Variants in ARFGEF1 observed in about 807,000 individuals in gnomAD.
ARFGEF1 encodes ARF guanine nucleotide exchange factor 1, also known as brefeldin A-inhibited guanine nucleotide-exchange protein 1.
A neutral mutation model predicts 231.0 loss-of-function variants in ARFGEF1; 42 were observed. The observed-to-expected ratio is 0.18, with a 90% CI of 0.14 to 0.24. The LOEUF (loss-of-function observed/expected upper bound fraction) is 0.24, where lower values mean the gene tolerates loss of function less well. Among genes scored for constraint, ARFGEF1 ranks in the 10% least tolerant of loss-of-function variants. The pLI is 1.00. For synonymous variants in ARFGEF1, 710 were observed against 732.3 expected, an observed-to-expected ratio of 0.97 and a Z score of 0.49; for missense variants, 1,345 against 2,192.0, an observed-to-expected ratio of 0.61 and a Z score of 7.72.
At chr8:67,224,844 G>A (rs1563848349) in intron 29 of ARFGEF1, 59 bp downstream of exon 29, 1 of 1,253,222 alleles carries the variant, frequency 8.0e-7, no homozygotes, top group Non-Finnish European at 1.1e-6. Flanking sequence ...ATAAAGAAGA[G>A]TTAATTTGAT....
chr8:67,205,916 T>C lies in ARFGEF1; in HGVS notation c.4820-1097A>G, dbSNP rs1838498069. Reference sequence around the variant, plus strand: ...AATAAAATTAAAATAAAAAAATAGGTTATATGAAAACCTATGACATAAGAA... The same window carrying C: ...AATAAAATTAAAATAAAAAAATAGGCTATATGAAAACCTATGACATAAGAA... On this transcript the variant is annotated intron_variant, in intron 34 of 38. Transcript: ENST00000262215. Among the ~76,000 whole-genome samples, 4 of 151,114 alleles carry C rather than the reference T, an allele frequency of 2.6e-5. No homozygotes were observed. The South Asian group carries it at 8.4e-4, about 32-fold the overall frequency.
intron 7 of ARFGEF1, among the ~76,000 whole-genome samples, chr8:67,280,484 A>C (rs554936777): frequency 6.6e-6 from 1 of 152,370 alleles, no homozygotes; most frequent in South Asian, 2.1e-4. Context: ...TTTCTACTTA[A>C]TTATTTCCAA....
At chr8:67,223,103 T>TA (rs1402530008) in intron 29 of ARFGEF1, among the ~76,000 whole-genome samples, 1 of 152,226 alleles carries the variant, frequency 6.6e-6, no homozygotes, top group African/African-American at 2.4e-5. Context: ...ATTTGGGACT[T>TA]TAATTTTCGG....
intron 29 of ARFGEF1, among the ~76,000 whole-genome samples, chr8:67,221,784 C>T (rs1039921136): frequency 7.3e-5 from 11 of 151,626 alleles, no homozygotes; most frequent in African/African-American, 2.4e-4. Context: ...TGGTAAGTGC[C>T]CTATATGGGT....
intron 7 of ARFGEF1, among the ~76,000 whole-genome samples, chr8:67,287,452 C>CT (rs978529639): frequency 3.3e-5 from 5 of 152,172 alleles, no homozygotes; most frequent in African/African-American, 7.2e-5. Flanking sequence ...CTGCTTTGTA[C>CT]TTTTTCACTA....
At chr8:67,221,348 C>A (rs974228956) in intron 29 of ARFGEF1, among the ~76,000 whole-genome samples, 5 of 152,084 alleles carry the variant, frequency 3.3e-5, no homozygotes, top group South Asian at 2.1e-4. Context: ...GTGTTACTTC[C>A]CCCTGAAGAC....
intron 5 of ARFGEF1, among the ~76,000 whole-genome samples, chr8:67,184,744 T>TATAATAATAATAATAATAATA (rs377423199): frequency 0.017 from 2,407 of 142,488 alleles, 76 homozygotes; most frequent in African/African-American, 0.058. Flanking sequence ...AATAAAAAAA[T>TATAATAATAATAATAATAATA]ATAATAATAA....
chr8:67,208,412 T>C, intron 34 of ARFGEF1, among the ~76,000 whole-genome samples: 1 of 152,054 alleles, frequency 6.6e-6, no homozygotes. Context: ...GGTGGATCAC[T>C]TGAGGCCCAG....
Position 67,225,012 on chromosome 8 carries a change from C to T in ARFGEF1, c.4099G>A (p.Asp1367Asn), listed in dbSNP as rs775735472. 3.7e-6 allele frequency: 6 copies of T among 1,600,516 alleles called. No individual in the cohort carries two copies. Among genetic ancestry groups the T allele is most frequent in the Non-Finnish European group, 4.3e-6 (5 of 1,174,064 alleles). Residue 1367 changes from aspartate to asparagine, a missense_variant, in exon 29 of 39, where the codon GAT (aspartate) becomes AAT (asparagine). Physicochemically the swap from Asp to Asn is conservative, Grantham distance 23 (BLOSUM62 1). Transcript: ENST00000262215. ...RPQAFKEYTS[D>N]DMNVAPEDRV... is the part of the protein sequence containing the mutation. ...TCTTCAGGTGCTACGTTCATATCAT[C>T]GCTTGTGTATTCCTTGAAAGCCTTC...
At chr8:67,184,374 T>C (rs1428426499) in intron 5 of ARFGEF1, among the ~76,000 whole-genome samples, 1 of 152,188 alleles carries the variant, frequency 6.6e-6, no homozygotes, top group Non-Finnish European at 1.5e-5. Flanking sequence ...CCAAGAGTTA[T>C]TTCTGAGAAG....
chr8:67,269,705 T>G (rs185554547), intron 10 of ARFGEF1, among the ~76,000 whole-genome samples: 2 of 152,210 alleles, frequency 1.3e-5, no homozygotes, highest in Admixed American at 1.3e-4. Context: ...ATATCTATAT[T>G]TATCTCATTT....
Position 67,204,872 on chromosome 8 carries a change from C to T in ARFGEF1, c.4820-53G>A, listed in dbSNP as rs1372289675. 2.5e-6 allele frequency: 4 copies of T among 1,596,218 alleles called. No individual in the cohort carries two copies. In the Admixed American group the frequency reaches 5.0e-5, roughly 20 times the overall value. On this transcript the variant is annotated intron_variant, in intron 34 of 38. Coordinates refer to ENST00000262215, the MANE Select transcript of ARFGEF1 (RefSeq NM_006421.5). ...TGCAAACAAAAAATTATTTTGAATC[C>T]TTTATAATTTCCATGATATTACAAT... is the stretch of plus-strand genomic sequence containing the variant.
chr8:67,307,575 C>A (rs972561378), intron 1 of ARFGEF1, among the ~76,000 whole-genome samples: 1 of 152,130 alleles, frequency 6.6e-6, no homozygotes. Flanking sequence ...AGCCACAATG[C>A]CATTTTCTCA....
chr8:67,292,397 C>T (rs1480383391), intron 5 of ARFGEF1, among the ~76,000 whole-genome samples: 1 of 152,066 alleles, frequency 6.6e-6, no homozygotes, highest in Non-Finnish European at 1.5e-5. Flanking sequence ...GAAACACACG[C>T]ACACACATTC....
intron 1 of ARFGEF1, among the ~76,000 whole-genome samples, chr8:67,307,323 T>A (rs1285892575): frequency 6.6e-6 from 1 of 152,202 alleles, no homozygotes; most frequent in Non-Finnish European, 1.5e-5. Flanking sequence ...CACAAGTAGC[T>A]TTGAGCCAAG....
chr8:67,229,189 A>G (rs1477874533), intron 23 of ARFGEF1, among the ~76,000 whole-genome samples: 2 of 152,086 alleles, frequency 1.3e-5, no homozygotes, highest in Admixed American at 6.6e-5. Flanking sequence ...ATAAACACAG[A>G]AACTGAGGCA....
chr8:67,341,854 G>A (rs1808644647), intron 1 of ARFGEF1, among the ~76,000 whole-genome samples: 1 of 151,984 alleles, frequency 6.6e-6, no homozygotes, highest in Non-Finnish European at 1.5e-5. Context: ...ACTTCTGGTC[G>A]ATAAGTAAGG....
In ARFGEF1 at chr8:67,232,788, C is replaced by CCAA. The variant is rs1032584727; in HGVS notation, c.3380+64_3380+66dup. Reference sequence around the variant, plus strand: ...TTTGGCAATAATATTTTTCTTTTTACCAACACCTAAATGCTAAAGAACTGA... The same window carrying CCAA: ...TTTGGCAATAATATTTTTCTTTTTACCAACAACACCTAAATGCTAAAGAACTGA... On this transcript the variant is annotated intron_variant, in intron 23 of 38. Transcript: ENST00000262215. 2.6e-5 allele frequency: 33 copies of CCAA among 1,245,792 alleles called. No homozygotes were observed. The African/African-American group carries it at 4.6e-4, about 17-fold the overall frequency. 77.2% of individuals were successfully genotyped at this position (1,245,792 alleles called of 1,614,324 possible). A position where few individuals can be genotyped will look rare whatever the true frequency, so the allele number is the denominator to read the frequency against.
chr8:67,175,602 A>AG, intron 5 of ARFGEF1: 1 of 785,490 alleles, frequency 1.3e-6, no homozygotes, highest in South Asian at 1.5e-5. Flanking sequence ...CAAGTATGAG[A>AG]GAGAGCTCTG....
Sources: gnomAD v4.1 joint callset for allele counts (sites outside exome capture counted in the v4.1 genomes callset) on GRCh38, gnomAD v4.1.1 for gene constraint, MANE v1.5 for transcripts, NCBI Gene and HGNC (gene_info 2026-07-23, HGNC 2026-07-21) for gene names.